COMMD1: variants seen among roughly 807,000 people sequenced by gnomAD.
The protein encoded by COMMD1 is copper metabolism domain containing 1, also known as COMM domain-containing protein 1.
In COMMD1, 10 loss-of-function variants were observed where a neutral mutation model predicts 17.2. The observed-to-expected ratio is 0.58, with a 90% CI of 0.36 to 0.99. The LOEUF is 0.99. Among genes scored for constraint, COMMD1 ranks in the 50% least tolerant of loss-of-function variants. The pLI, the probability that COMMD1 is intolerant of heterozygous loss-of-function variation, is 0.01. For synonymous variants in COMMD1, 97 were observed against 91.6 expected, an observed-to-expected ratio of 1.06 and a Z score of -0.34; for missense variants, 270 against 231.8, an observed-to-expected ratio of 1.17 and a Z score of -1.07.
intron 2 of COMMD1, among the ~76,000 whole-genome samples, chr2:62,021,839 T>A (rs1669620515): frequency 6.6e-6 from 1 of 152,220 alleles, no homozygotes; most frequent in Non-Finnish European, 1.5e-5. Context: ...TGTCTTTTTG[T>A]TGTTGAAGTT....
chr2:62,131,800 C>T (rs1673041882), intron 2 of COMMD1, among the ~76,000 whole-genome samples: 1 of 152,152 alleles, frequency 6.6e-6, no homozygotes, highest in South Asian at 2.1e-4. Context: ...GCCTCAGCCT[C>T]CCAAAGTGCT....
intron 2 of COMMD1, among the ~76,000 whole-genome samples, chr2:62,026,871 T>C (rs1243098802): frequency 1.3e-5 from 2 of 152,330 alleles, no homozygotes; most frequent in Admixed American, 1.3e-4. Flanking sequence ...TATAAACATA[T>C]GTATATGTGT....
intron 2 of COMMD1, among the ~76,000 whole-genome samples, chr2:62,097,775 T>C (rs1196370017): frequency 6.6e-6 from 1 of 152,182 alleles, no homozygotes; most frequent in Non-Finnish European, 1.5e-5. Flanking sequence ...TTAATCTAGG[T>C]AGGGATGAGG....
At chr2:62,105,219 C>G (rs1241234033) in intron 2 of COMMD1, among the ~76,000 whole-genome samples, 1 of 151,614 alleles carries the variant, frequency 6.6e-6, no homozygotes, top group African/African-American at 2.4e-5. Context: ...AGAAAAATCT[C>G]TTATTATGGT....
At chr2:61,925,038 C>T (rs1379631423) in intron 1 of COMMD1, among the ~76,000 whole-genome samples, 1 of 152,136 alleles carries the variant, frequency 6.6e-6, no homozygotes, top group Admixed American at 6.6e-5. Context: ...GGGGGCAAGG[C>T]AACAGTCTCT....
At chr2:62,013,261 A>G (rs1669337211) in intron 2 of COMMD1, among the ~76,000 whole-genome samples, 1 of 119,224 alleles carries the variant, frequency 8.4e-6, no homozygotes, top group Non-Finnish European at 1.6e-5. Flanking sequence ...GATTTCAAGG[A>G]AAAAAAAAAT....
chr2:62,101,531 G>A (rs1203088803), intron 2 of COMMD1, among the ~76,000 whole-genome samples: 3 of 152,114 alleles, frequency 2.0e-5, no homozygotes, highest in Non-Finnish European at 4.4e-5. Context: ...AATCACTTGA[G>A]CTCAGAATGT....
chr2:62,128,335 G>GAAAAAAAAA (rs55646038), intron 2 of COMMD1, among the ~76,000 whole-genome samples: 2 of 124,134 alleles, frequency 1.6e-5, no homozygotes, highest in Non-Finnish European at 3.4e-5. Flanking sequence ...CTAAAAAAAA[G>GAAAAAAAAA]AAAAAAAAAA....
chr2:62,045,509 G>A (rs1431053990), intron 2 of COMMD1, among the ~76,000 whole-genome samples: 1 of 151,652 alleles, frequency 6.6e-6, no homozygotes, highest in African/African-American at 2.4e-5. Context: ...CCTGAGCAAG[G>A]TGGGGATTCG....
chr2:62,099,065 T>A (rs11695902), intron 2 of COMMD1, among the ~76,000 whole-genome samples: 45,975 of 151,988 alleles, frequency 0.3, 6,968 homozygotes, highest in Admixed American at 0.36. Context: ...ACTCTATTAT[T>A]TTATCCAGCT....
At chr2:62,001,306 G>C (rs1270176202) in intron 2 of COMMD1, among the ~76,000 whole-genome samples, 1 of 152,154 alleles carries the variant, frequency 6.6e-6, no homozygotes, top group Middle Eastern at 3.2e-3. Context: ...CAATGATAGA[G>C]ATAATAAATA....
At chr2:61,930,619 G>T (rs543958580) in intron 1 of COMMD1, among the ~76,000 whole-genome samples, 5 of 55,968 alleles carry the variant, frequency 8.9e-5, no homozygotes, top group Admixed American at 1.7e-4. Context: ...ACAGGGTTTT[G>T]TGTGTGTGTG....
chr2:61,976,300 G>T (rs1407354072), intron 1 of COMMD1, among the ~76,000 whole-genome samples: 1 of 150,050 alleles, frequency 6.7e-6, no homozygotes, highest in Non-Finnish European at 1.5e-5. Context: ...TAAATACAAA[G>T]AACATAAATA....
intron 2 of COMMD1, among the ~76,000 whole-genome samples, chr2:62,110,587 T>C (rs1672431213): frequency 6.6e-6 from 1 of 152,194 alleles, no homozygotes; most frequent in Admixed American, 6.5e-5. Context: ...ATCAGCTCTG[T>C]GAGGCAGTGT....
At chr2:62,075,797 A>G (rs1327968607) in intron 2 of COMMD1, among the ~76,000 whole-genome samples, 1 of 152,250 alleles carries the variant, frequency 6.6e-6, no homozygotes, top group Admixed American at 6.5e-5. Flanking sequence ...TAGCAGCTCA[A>G]TAAATGCTAA....
intron 1 of COMMD1, among the ~76,000 whole-genome samples, chr2:61,916,169 C>T (rs920827275): frequency 6.6e-6 from 1 of 152,042 alleles, no homozygotes; most frequent in African/African-American, 2.4e-5. Context: ...ACCATGTTGC[C>T]CAGGCCGGTC....
At chr2:61,982,790 A>G (rs572641712) in intron 1 of COMMD1, among the ~76,000 whole-genome samples, 7 of 152,162 alleles carry the variant, frequency 4.6e-5, no homozygotes, top group South Asian at 2.1e-4. Flanking sequence ...AAATGATCGT[A>G]TGGTTTTTAT....
chr2:61,999,206 C>T (rs1458281141), intron 1 of COMMD1, among the ~76,000 whole-genome samples: 2 of 152,058 alleles, frequency 1.3e-5, no homozygotes, highest in Admixed American at 1.3e-4. Flanking sequence ...TGAAGTATGC[C>T]TGTAGATGTG....
In COMMD1 at chr2:62,000,889, C is replaced by G. The variant is rs775902402; in HGVS notation, c.369C>G (p.Ser123Arg). 3.1e-6 allele frequency: 5 copies of G among 1,614,104 alleles called. No individual in the cohort carries two copies. Among genetic ancestry groups the G allele is most frequent in the Admixed American group, 1.7e-5 (1 of 59,992 alleles). Residue 123 changes from serine (S) to arginine (R), a missense_variant, in exon 2 of 3, where the codon AGC (serine) becomes AGG (arginine). By Grantham distance (110) the Ser-to-Arg change is moderately radical (BLOSUM62 -1). Coordinates refer to ENST00000311832, the MANE Select transcript of COMMD1 (RefSeq NM_152516.4). ...GGAATAGCGGGCTTCGGGGCCTGAGCTGGAGAGTTGATGGCAAGTCTCAGT... is the reference window on the plus strand; with the variant it reads ...GGAATAGCGGGCTTCGGGGCCTGAGGTGGAGAGTTGATGGCAAGTCTCAGT... ...SRWNSGLRGL[S>R]WRVDGKSQSR...
Sources: allele counts gnomAD v4.1 joint callset (sites outside exome capture counted in the v4.1 genomes callset), GRCh38; gene constraint gnomAD v4.1.1; transcripts MANE v1.5; gene names NCBI Gene and HGNC (gene_info 2026-07-23, HGNC 2026-07-21).